The following CNTNAP2 variants were observed in gnomAD, a reference collection of about 807,000 sequenced individuals.
CNTNAP2 encodes contactin-associated protein-like 2.
Under a neutral mutation model 155.2 loss-of-function variants are expected in CNTNAP2, and 98 were observed. That is an observed-to-expected ratio of 0.63 (90% CI 0.54 to 0.75). The LOEUF is 0.75. Ranked by LOEUF, CNTNAP2 falls within the 30% of genes least tolerant of loss-of-function variation. The pLI is 0.00. For synonymous variants in CNTNAP2, 651 were observed against 631.2 expected, an observed-to-expected ratio of 1.03 and a Z score of -0.47; for missense variants, 1,727 against 1,688.1, an observed-to-expected ratio of 1.02 and a Z score of -0.40.
chr7:148,298,050 CAAAAAG>C (rs907337028), intron 21 of CNTNAP2, among the ~76,000 whole-genome samples: 4 of 152,108 alleles, frequency 2.6e-5, no homozygotes, highest in African/African-American at 9.6e-5. Context: ...TAAAACTCAG[CAAAAAG>C]AAAAACTACA....
chr7:146,881,492 G>A (rs1212674282), intron 3 of CNTNAP2, among the ~76,000 whole-genome samples: 1 of 152,038 alleles, frequency 6.6e-6, no homozygotes, highest in African/African-American at 2.4e-5. Flanking sequence ...ATTCATGTGT[G>A]TTCCATTTAT....
intron 9 of CNTNAP2, among the ~76,000 whole-genome samples, chr7:147,387,183 A>G (rs1796638929): frequency 6.6e-6 from 1 of 152,210 alleles, no homozygotes; most frequent in South Asian, 2.1e-4. Context: ...GGATGGGCAC[A>G]CAGCCAAACC....
At chr7:147,756,133 G>A (rs1792530339) in intron 13 of CNTNAP2, among the ~76,000 whole-genome samples, 1 of 152,162 alleles carries the variant, frequency 6.6e-6, no homozygotes, top group African/African-American at 2.4e-5. Context: ...AAACGTGATT[G>A]TTCTCTAGAT....
intron 13 of CNTNAP2, among the ~76,000 whole-genome samples, chr7:147,833,814 T>C (rs1036680000): frequency 6.6e-5 from 10 of 152,204 alleles, no homozygotes. Flanking sequence ...ATGTAGTTCC[T>C]ACACTGCCAG....
chr7:147,118,618 G>T (rs1005938807), intron 5 of CNTNAP2, among the ~76,000 whole-genome samples: 1 of 152,256 alleles, frequency 6.6e-6, no homozygotes, highest in East Asian at 1.9e-4. Context: ...AACGTAAATT[G>T]TATAGCCTAT....
chr7:146,932,303 A>G (rs979998017), intron 3 of CNTNAP2, among the ~76,000 whole-genome samples: 12 of 151,812 alleles, frequency 7.9e-5, no homozygotes, highest in Non-Finnish European at 1.6e-4. Context: ...AATAAATGTA[A>G]TCCAGCATAT....
chr7:146,791,390 G>A (rs1432747000), intron 2 of CNTNAP2, among the ~76,000 whole-genome samples: 2 of 152,100 alleles, frequency 1.3e-5, no homozygotes, highest in African/African-American at 2.4e-5. Flanking sequence ...GAACAGTGCC[G>A]CAATAAACAT....
rs144687295 is a variant in CNTNAP2, at chr7:146,684,679, C to T, written c.98-89592C>T. Among the ~76,000 whole-genome samples, 258 of 134,576 alleles carry T rather than the reference C, an allele frequency of 1.9e-3. 1 individual carries two copies. The highest frequency in any genetic ancestry group is 3.3e-3 in the Non-Finnish European group (209 of 63,584). The allele number at this position is 134,576 out of a possible 152,430, so 88.3% of individuals were successfully genotyped here. On this transcript the variant is annotated intron_variant, in intron 1 of 23. Coordinates refer to ENST00000361727, the MANE Select transcript of CNTNAP2 (RefSeq NM_014141.6). The stretch of plus-strand genomic sequence containing the variant: ...AAAAAAGCTGGAGGATTTAGCTCTG[C>T]CAGTTATTGACTATGTGACCTGGTG...
chr7:147,161,901 A>C (rs1309809423), intron 8 of CNTNAP2: 1 of 152,162 alleles, frequency 6.6e-6, no homozygotes, highest in African/African-American at 2.4e-5. Context: ...TTTCTGTTCC[A>C]GAACAAAAGG....
At chr7:146,509,651 T>C (rs1286278646) in intron 1 of CNTNAP2, among the ~76,000 whole-genome samples, 2 of 151,890 alleles carry the variant, frequency 1.3e-5, no homozygotes, top group African/African-American at 4.8e-5. Flanking sequence ...CTGACTGGGG[T>C]GGCAGGCCCA....
chr7:146,172,838 G>T (rs540834988), intron 1 of CNTNAP2, among the ~76,000 whole-genome samples: 1 of 152,204 alleles, frequency 6.6e-6, no homozygotes, highest in African/African-American at 2.4e-5. Context: ...AAGATATTCT[G>T]CAGGGGAAGA....
chr7:146,940,345 C>T (rs1258944607), intron 3 of CNTNAP2, among the ~76,000 whole-genome samples: 9 of 151,844 alleles, frequency 5.9e-5, no homozygotes, highest in African/African-American at 1.7e-4. Context: ...TACAGTCGCC[C>T]GCCACCACGT....
intron 1 of CNTNAP2, among the ~76,000 whole-genome samples, chr7:146,526,670 A>G (rs1797696129): frequency 6.6e-6 from 1 of 152,096 alleles, no homozygotes; most frequent in African/African-American, 2.4e-5. Flanking sequence ...TGTACATTCA[A>G]ACTGTGTCAC....
At chr7:146,929,318 C>A (rs1472906271) in intron 3 of CNTNAP2, among the ~76,000 whole-genome samples, 2 of 152,182 alleles carry the variant, frequency 1.3e-5, no homozygotes, top group Non-Finnish European at 2.9e-5. Context: ...TACTGATACC[C>A]AGGCAAACAG....
chr7:146,494,404 T>C (rs946287322), intron 1 of CNTNAP2, among the ~76,000 whole-genome samples: 11 of 151,908 alleles, frequency 7.2e-5, no homozygotes, highest in Non-Finnish European at 1.3e-4. Flanking sequence ...AGTAAAATAC[T>C]AAAAGTTATG....
chr7:147,587,736 T>C (rs1800658042), intron 12 of CNTNAP2, among the ~76,000 whole-genome samples: 1 of 152,140 alleles, frequency 6.6e-6, no homozygotes, highest in Non-Finnish European at 1.5e-5. Flanking sequence ...ATAAGACGCA[T>C]AGTGGTATTT....
chr7:146,561,511 T>C (rs1798279200), intron 1 of CNTNAP2, among the ~76,000 whole-genome samples: 1 of 151,984 alleles, frequency 6.6e-6, no homozygotes. Context: ...AAAAAAAAAT[T>C]AGCAGGGCGT....
intron 13 of CNTNAP2, among the ~76,000 whole-genome samples, chr7:147,786,288 A>T (rs1310698846): frequency 6.6e-6 from 1 of 152,198 alleles, no homozygotes; most frequent in Non-Finnish European, 1.5e-5. Flanking sequence ...CAAAATTAGA[A>T]ATCATATTCT....
chr7:146,943,423 C>A (rs1797095826), intron 3 of CNTNAP2, among the ~76,000 whole-genome samples: 1 of 152,140 alleles, frequency 6.6e-6, no homozygotes, highest in African/African-American at 2.4e-5. Flanking sequence ...ACCTGGGAGA[C>A]AGAGGTTGCA....
Sources: gnomAD v4.1 joint callset for allele counts (sites outside exome capture counted in the v4.1 genomes callset) on GRCh38, gnomAD v4.1.1 for gene constraint, MANE v1.5 for transcripts, NCBI Gene and HGNC (gene_info 2026-07-23, HGNC 2026-07-21) for gene names.